SDHAF3: variants seen among roughly 807,000 people sequenced by gnomAD.
SDHAF3 encodes succinate dehydrogenase complex assembly factor 3, also known as succinate dehydrogenase assembly factor 3, mitochondrial.
Under a neutral mutation model 11.5 loss-of-function variants are expected in SDHAF3, and 18 were observed. That is an observed-to-expected ratio of 1.56 (90% CI 1.08 to 2.32). The LOEUF (loss-of-function observed/expected upper bound fraction) is 2.32, where lower values mean the gene tolerates loss of function less well. SDHAF3 is among the 30% of genes most tolerant of loss of function. SDHAF3 has a pLI of 0.00. For synonymous variants in SDHAF3, 72 were observed against 59.3 expected, an observed-to-expected ratio of 1.21 and a Z score of -0.99; for missense variants, 200 against 154.4, an observed-to-expected ratio of 1.30 and a Z score of -1.57.
At chr7:97,139,907 T>G (rs1342820333) in intron 1 of SDHAF3, among the ~76,000 whole-genome samples, 1 of 152,250 alleles carries the variant, frequency 6.6e-6, no homozygotes, top group Non-Finnish European at 1.5e-5. Flanking sequence ...ATGTTTGTAG[T>G]TATTTCATGA....
chr7:97,149,141 C>G (rs966815289), intron 1 of SDHAF3, among the ~76,000 whole-genome samples: 1 of 151,850 alleles, frequency 6.6e-6, no homozygotes, highest in Non-Finnish European at 1.5e-5. Context: ...CACTATGTTA[C>G]CCAGGTTTTG....
intron 1 of SDHAF3, chr7:97,134,924 C>A (rs1045539293): frequency 6.6e-6 from 1 of 152,134 alleles, no homozygotes; most frequent in African/African-American, 2.4e-5. Context: ...AGGGCAGAGA[C>A]ATTCTCAGAG....
chr7:97,127,648 C>G lies in SDHAF3; in HGVS notation c.174+9751C>G, dbSNP rs889527635. Among the ~76,000 whole-genome samples, 21 of 152,162 alleles carry G rather than the reference C, an allele frequency of 1.4e-4. No individual in the cohort carries two copies. In the East Asian group the frequency reaches 4.1e-3, roughly 29 times the overall value. On this transcript the variant is annotated intron_variant, in intron 1 of 1. Coordinates refer to ENST00000432641, the MANE Select transcript of SDHAF3 (RefSeq NM_020186.3). ...TTTTTATAAATGTATGCTTCTCTTA[C>G]CTAATTTGTGGACCTCATTTTGTTA...
chr7:97,163,950 T>C (rs1297445539), intron 1 of SDHAF3, among the ~76,000 whole-genome samples: 1 of 150,796 alleles, frequency 6.6e-6, no homozygotes, highest in African/African-American at 2.5e-5. Context: ...GGTTGAAAAT[T>C]CTTTTTTTTT....
At chr7:97,164,054 T>C (rs181531946) in intron 1 of SDHAF3, among the ~76,000 whole-genome samples, 231 of 151,888 alleles carry the variant, frequency 1.5e-3, no homozygotes, top group African/African-American at 5.4e-3. Context: ...TTCAAGCGAT[T>C]CCCCCTCAGC....
chr7:97,164,358 C>G (rs1439937533), intron 1 of SDHAF3, among the ~76,000 whole-genome samples: 2 of 149,720 alleles, frequency 1.3e-5, no homozygotes, highest in Admixed American at 6.7e-5. Flanking sequence ...TATCTCTAAA[C>G]TAAAGGTGTA....
intron 1 of SDHAF3, among the ~76,000 whole-genome samples, chr7:97,160,620 A>G (rs1363463833): frequency 6.6e-6 from 1 of 152,204 alleles, no homozygotes; most frequent in East Asian, 1.9e-4. Context: ...CCCAAAAGAA[A>G]AAAAAGAATA....
intron 1 of SDHAF3, among the ~76,000 whole-genome samples, chr7:97,166,417 C>T (rs1038276180): frequency 2.2e-5 from 3 of 135,228 alleles, no homozygotes; most frequent in African/African-American, 7.9e-5. Flanking sequence ...TTCTGATGGG[C>T]AATTGGTTGA....
intron 1 of SDHAF3, among the ~76,000 whole-genome samples, chr7:97,162,373 C>T (rs1022114277): frequency 6.6e-6 from 1 of 152,050 alleles, no homozygotes; most frequent in Admixed American, 6.6e-5. Context: ...TTTTGTGTCT[C>T]TATCTCCTTC....
intron 1 of SDHAF3, among the ~76,000 whole-genome samples, chr7:97,166,525 A>G (rs531173146): frequency 6.6e-6 from 1 of 152,152 alleles, no homozygotes; most frequent in Non-Finnish European, 1.5e-5. Context: ...AAGTCTCCTG[A>G]TAGTAGCTTT....
At chr7:97,127,479 G>A (rs970143223) in intron 1 of SDHAF3, among the ~76,000 whole-genome samples, 1 of 152,078 alleles carries the variant, frequency 6.6e-6, no homozygotes, top group East Asian at 1.9e-4. Flanking sequence ...TAACTCTCAT[G>A]GGATGTCTTT....
chr7:97,163,460 A>G (rs1205391203), intron 1 of SDHAF3, among the ~76,000 whole-genome samples: 1 of 152,128 alleles, frequency 6.6e-6, no homozygotes, highest in East Asian at 1.9e-4. Context: ...TTTATAAGAG[A>G]TAAAGATTGC....
rs774123329 is a variant in SDHAF3, at chr7:97,117,713, C to A, written c.-11C>A. On this transcript the variant is annotated 5_prime_UTR_variant, in exon 1 of 2. Transcript: ENST00000432641. Reference sequence around the variant, plus strand: ...CTGCGCAGGCGCAGTCGGCGGTCGGCGTGGGGCGCTATGCCGGGGCGGCAC... The same window carrying A: ...CTGCGCAGGCGCAGTCGGCGGTCGGAGTGGGGCGCTATGCCGGGGCGGCAC... 1 of 1,608,528 alleles carries A rather than the reference C, an allele frequency of 6.2e-7. No homozygotes were observed. Among genetic ancestry groups the A allele is most frequent in the Non-Finnish European group, 8.5e-7 (1 of 1,177,200 alleles).
At chr7:97,140,764 G>A (rs998341006) in intron 1 of SDHAF3, among the ~76,000 whole-genome samples, 8 of 152,128 alleles carry the variant, frequency 5.3e-5, no homozygotes, top group African/African-American at 1.9e-4. Flanking sequence ...GTCGCCTCAG[G>A]ACCCTGTGAT....
intron 1 of SDHAF3, among the ~76,000 whole-genome samples, chr7:97,166,452 T>C (rs1223791365): frequency 6.6e-6 from 1 of 152,076 alleles, no homozygotes; most frequent in Admixed American, 6.6e-5. Flanking sequence ...CTGAAATCAA[T>C]AAAAGGGAGT....
chr7:97,118,403 A>C lies in SDHAF3; in HGVS notation c.174+506A>C, dbSNP rs74459081. Among the ~76,000 whole-genome samples the C allele has an allele frequency of 4.4e-3, 677 of 152,364 alleles. 7 individuals are homozygous for C. The highest frequency in any genetic ancestry group is 0.016 in the African/African-American group (649 of 41,590). On this transcript the variant is annotated intron_variant, in intron 1 of 1. Transcript: ENST00000432641. Reference sequence around the variant, plus strand: ...CATGAAAAAGATTACAAAAGGTTGGAGATTACAAACTGTGAAGGAGAAAAA... The same window carrying C: ...CATGAAAAAGATTACAAAAGGTTGGCGATTACAAACTGTGAAGGAGAAAAA...
chr7:97,167,043 G>A (rs1789515911), intron 1 of SDHAF3, among the ~76,000 whole-genome samples: 1 of 86,378 alleles, frequency 1.2e-5, no homozygotes, highest in East Asian at 2.9e-4. Flanking sequence ...AACTTTCAGT[G>A]ATTTTTTTTT....
chr7:97,126,063 G>T (rs1465404246), intron 1 of SDHAF3, among the ~76,000 whole-genome samples: 1 of 152,130 alleles, frequency 6.6e-6, no homozygotes, highest in Non-Finnish European at 1.5e-5. Flanking sequence ...CCCCTCTTCT[G>T]CAGATCTGCT....
At chr7:97,164,583 C>T (rs1789472916) in intron 1 of SDHAF3, among the ~76,000 whole-genome samples, 1 of 151,548 alleles carries the variant, frequency 6.6e-6, no homozygotes, top group African/African-American at 2.4e-5. Flanking sequence ...CCATGTTGAT[C>T]AGGCTGGTCT....
Sources: allele counts gnomAD v4.1 joint callset (sites outside exome capture counted in the v4.1 genomes callset), GRCh38; gene constraint gnomAD v4.1.1; transcripts MANE v1.5; gene names NCBI Gene and HGNC (gene_info 2026-07-23, HGNC 2026-07-21).